Variants in CTNNA2 observed in about 807,000 individuals in gnomAD.
CTNNA2 encodes the protein catenin alpha-2.
A neutral mutation model predicts 101.0 loss-of-function variants in CTNNA2; 42 were observed. The ratio of observed to expected loss-of-function variants is 0.42; its 90% CI spans 0.32 to 0.54. CTNNA2 has a LOEUF of 0.54. Ranked by LOEUF, CTNNA2 falls within the 20% of genes least tolerant of loss-of-function variation. CTNNA2 has a pLI of 0.14. For synonymous variants in CTNNA2, 450 were observed against 456.4 expected, an observed-to-expected ratio of 0.99 and a Z score of 0.18; for missense variants, 871 against 1,223.1, an observed-to-expected ratio of 0.71 and a Z score of 4.29.
At chr2:79,427,051 C>T (rs1157576437) in intron 4 of CTNNA2, among the ~76,000 whole-genome samples, 1 of 151,944 alleles carries the variant, frequency 6.6e-6, no homozygotes, top group Non-Finnish European at 1.5e-5. Context: ...CAACCCATTG[C>T]CTTCCAAGAA....
At chr2:79,441,321 A>G (rs898323931) in intron 4 of CTNNA2, among the ~76,000 whole-genome samples, 13 of 152,274 alleles carry the variant, frequency 8.5e-5, no homozygotes, top group African/African-American at 2.9e-4. Context: ...TATCATCTCT[A>G]CAACTGAAGA....
chr2:80,434,693 C>T (rs1397907863), intron 9 of CTNNA2, among the ~76,000 whole-genome samples: 9 of 151,822 alleles, frequency 5.9e-5, no homozygotes. Flanking sequence ...TCTGGAACTC[C>T]TGGGGTCAAG....
chr2:79,541,049 A>C (rs1000339198), intron 1 of CTNNA2, among the ~76,000 whole-genome samples: 2 of 152,150 alleles, frequency 1.3e-5, no homozygotes, highest in African/African-American at 4.8e-5. Context: ...TAAAATGTCC[A>C]TGAGACATGT....
chr2:79,402,001 C>A (rs1678294964), intron 4 of CTNNA2, among the ~76,000 whole-genome samples: 1 of 151,556 alleles, frequency 6.6e-6, no homozygotes, highest in South Asian at 2.1e-4. Context: ...CCCAAATAGC[C>A]ATGCAGTGGC....
At chr2:79,640,617 A>G (rs1680386209) in intron 1 of CTNNA2, among the ~76,000 whole-genome samples, 1 of 152,202 alleles carries the variant, frequency 6.6e-6, no homozygotes, top group Admixed American at 6.5e-5. Flanking sequence ...ATGTCTAAGA[A>G]TATGTCTAAA....
chr2:79,648,690 C>T (rs944010602), intron 1 of CTNNA2, among the ~76,000 whole-genome samples: 15 of 152,114 alleles, frequency 9.9e-5, no homozygotes, highest in Admixed American at 1.3e-4. Flanking sequence ...GGGAATCTTA[C>T]ATATCAACAT....
chr2:80,291,721 A>G (rs768229853), intron 7 of CTNNA2, among the ~76,000 whole-genome samples: 2 of 152,206 alleles, frequency 1.3e-5, no homozygotes, highest in Admixed American at 1.3e-4. Flanking sequence ...GACTATAGAT[A>G]GCAAACAGCT....
intron 1 of CTNNA2, among the ~76,000 whole-genome samples, chr2:79,568,624 G>GAAAA (rs1468134566): frequency 1.1e-4 from 17 of 151,498 alleles, no homozygotes; most frequent in African/African-American, 4.1e-4. Flanking sequence ...GAAAAGAAAA[G>GAAAA]GAAAGAAAAG....
intron 9 of CTNNA2, among the ~76,000 whole-genome samples, chr2:80,484,969 G>T (rs1454564948): frequency 6.6e-6 from 1 of 152,106 alleles, no homozygotes; most frequent in African/African-American, 2.4e-5. Context: ...CTGTGCCACT[G>T]CATTCCAGCC....
intron 3 of CTNNA2, among the ~76,000 whole-genome samples, chr2:79,815,558 A>G (rs765339664): frequency 2.6e-5 from 4 of 152,184 alleles, no homozygotes; most frequent in Non-Finnish European, 5.9e-5. Flanking sequence ...TTTGTCAAAG[A>G]TCAGTTGGCT....
intron 4 of CTNNA2, among the ~76,000 whole-genome samples, chr2:79,450,667 G>A (rs934068956): frequency 6.6e-6 from 1 of 151,972 alleles, no homozygotes; most frequent in Non-Finnish European, 1.5e-5. Context: ...CAACTTCAAG[G>A]CAAGAAATGT....
intron 4 of CTNNA2, among the ~76,000 whole-genome samples, chr2:79,446,307 A>G (rs201269014): frequency 6.6e-6 from 1 of 152,054 alleles, no homozygotes; most frequent in East Asian, 1.9e-4. Flanking sequence ...GAAAACGGAA[A>G]GATGGCTCTT....
intron 4 of CTNNA2, among the ~76,000 whole-genome samples, chr2:79,433,169 T>A (rs1678674914): frequency 6.6e-6 from 1 of 152,200 alleles, no homozygotes; most frequent in Non-Finnish European, 1.5e-5. Context: ...AACTTTACAC[T>A]TGCTTCTCAC....
intron 2 of CTNNA2, among the ~76,000 whole-genome samples, chr2:79,287,581 C>T: frequency 7.2e-6 from 1 of 138,184 alleles, no homozygotes; most frequent in African/African-American, 3.0e-5. Context: ...GTCAGGGACC[C>T]ACTTGAGGAG....
intron 2 of CTNNA2, among the ~76,000 whole-genome samples, chr2:79,275,296 C>T (rs543504121): frequency 3.2e-4 from 49 of 151,922 alleles, no homozygotes; most frequent in Middle Eastern, 3.4e-3. Flanking sequence ...ACTAAGACCC[C>T]GGAAAAGATA....
intron 7 of CTNNA2, among the ~76,000 whole-genome samples, chr2:80,142,821 T>C (rs1328809251): frequency 1.3e-5 from 2 of 152,088 alleles, no homozygotes; most frequent in Non-Finnish European, 2.9e-5. Flanking sequence ...TAAGGACCCA[T>C]GACTGTATTC....
intron 7 of CTNNA2, among the ~76,000 whole-genome samples, chr2:80,245,267 TG>T (rs1573498351): frequency 3.3e-5 from 5 of 152,348 alleles, no homozygotes; most frequent in Admixed American, 2.0e-4. Flanking sequence ...TTCGAGTCAT[TG>T]GCAAACATGA....
intron 3 of CTNNA2, among the ~76,000 whole-genome samples, chr2:79,846,314 A>G (rs1245165577): frequency 1.3e-5 from 2 of 152,222 alleles, no homozygotes; most frequent in Non-Finnish European, 2.9e-5. Context: ...TTTACTGTGT[A>G]GCAATTTCAA....
chr2:80,607,346 C>T (rs1448156966), intron 16 of CTNNA2, among the ~76,000 whole-genome samples: 1 of 151,880 alleles, frequency 6.6e-6, no homozygotes, highest in African/African-American at 2.4e-5. Flanking sequence ...GTAGGCATCT[C>T]AATTCCTCGG....
Sources: allele counts gnomAD v4.1 joint callset (sites outside exome capture counted in the v4.1 genomes callset), GRCh38; gene constraint gnomAD v4.1.1; transcripts MANE v1.5; gene names NCBI Gene and HGNC (gene_info 2026-07-23, HGNC 2026-07-21).